Variants in POLK observed in about 807,000 individuals in gnomAD.
POLK encodes the protein polymerase (DNA directed) kappa.
POLK carries 76 observed loss-of-function variants against 94.0 expected under a neutral mutation model. The ratio of observed to expected loss-of-function variants is 0.81; its 90% CI spans 0.67 to 0.98. The LOEUF is 0.98. Ranked by LOEUF, POLK falls within the 50% of genes least tolerant of loss-of-function variation. The pLI, the probability that POLK is intolerant of heterozygous loss-of-function variation, is 0.00. For synonymous variants in POLK, 349 were observed against 325.4 expected, an observed-to-expected ratio of 1.07 and a Z score of -0.78; for missense variants, 954 against 1,010.1, an observed-to-expected ratio of 0.94 and a Z score of 0.75.
At chr5:75,511,130 G>C, upstream of POLK, 1 of 1,598,206 alleles carries the variant, frequency 6.3e-7, no homozygotes. Context: ...GGACCCCGCA[G>C]CGCTCCACAG....
intron 1 of POLK, 66 bp from the exon 2 acceptor site, chr5:75,546,944 G>A: frequency 1.3e-6 from 1 of 779,916 alleles, no homozygotes; most frequent in Non-Finnish European, 1.9e-6. Flanking sequence ...TAGGATTACG[G>A]GCATGAGCCA....
chr5:75,603,301 A>C (rs888223911), downstream of POLK, among the ~76,000 whole-genome samples: 2 of 152,030 alleles, frequency 1.3e-5, no homozygotes, highest in Admixed American at 1.3e-4. Context: ...TCTTTTGTCA[A>C]GCCCTTATCA....
In POLK at chr5:75,552,463, C is replaced by G. The variant is rs201162116; in HGVS notation, c.136-9C>G. On this transcript the variant is annotated splice_polypyrimidine_tract_variant and intron_variant, in intron 2 of 14. Transcript: ENST00000241436. ...TTTTTCTTATGCTTTGTTTTGTTTT[C>G]CTCCATAGGGGTCCAGATTTTATGG... 32 of 1,606,584 alleles carry G rather than the reference C, an allele frequency of 2.0e-5. No homozygotes were observed. In the Admixed American group the frequency reaches 5.5e-4, roughly 28 times the overall value.
intron 3 of POLK, among the ~76,000 whole-genome samples, chr5:75,557,058 G>A (rs532278982): frequency 7.9e-5 from 12 of 152,098 alleles, no homozygotes; most frequent in South Asian, 2.1e-4. Context: ...ATGAGACTCT[G>A]TCTCAAGAAA....
downstream of POLK, among the ~76,000 whole-genome samples, chr5:75,602,311 C>T (rs538757473): frequency 4.6e-5 from 7 of 152,290 alleles, no homozygotes; most frequent in South Asian, 1.4e-3. Flanking sequence ...AGACATTCGC[C>T]ATGATTCATA....
At chr5:75,592,211 G>A (rs1039099653) in intron 11 of POLK, among the ~76,000 whole-genome samples, 4 of 152,148 alleles carry the variant, frequency 2.6e-5, no homozygotes, top group African/African-American at 9.7e-5. Context: ...AGTGTAAAGG[G>A]AATTCTTACA....
Position 75,511,872 on chromosome 5 carries a change from G to T in POLK, c.-56G>T. 6.6e-7 allele frequency: 1 copy of T among 1,514,408 alleles called. No individual in the cohort carries two copies. The allele number at this position is 1,514,408 out of a possible 1,614,324, so 93.8% of individuals were successfully genotyped here. ...TGGGAAGGGCGTTGGTCCGTCGCTCGCGCAGCCTCCTGGGAGTTGTAGTCG... is the reference window on the plus strand; with the variant it reads ...TGGGAAGGGCGTTGGTCCGTCGCTCTCGCAGCCTCCTGGGAGTTGTAGTCG... On this transcript the variant is annotated 5_prime_UTR_variant, in exon 1 of 15. Transcript: ENST00000241436.
chr5:75,593,817 T>C (rs5744704), intron 11 of POLK, 61 bp from the exon 12 acceptor site: 135,184 of 1,036,672 alleles, frequency 0.13, 9,699 homozygotes, highest in East Asian at 0.24. Flanking sequence ...CACTCCAGCA[T>C]GGACAACAGA....
intron 6 of POLK, among the ~76,000 whole-genome samples, chr5:75,578,277 T>G (rs994427727): frequency 2.0e-5 from 3 of 152,182 alleles, no homozygotes; most frequent in Admixed American, 2.0e-4. Context: ...TGCCTTAGAC[T>G]CCCAAGTATC....
chr5:75,608,564 A>G, the POLK span, among the ~76,000 whole-genome samples: 1 of 152,242 alleles, frequency 6.6e-6, no homozygotes, highest in Non-Finnish European at 1.5e-5. Context: ...CACTAAACAA[A>G]TAGACATTTC....
At chr5:75,535,192 C>T (rs1250329758) in intron 1 of POLK, among the ~76,000 whole-genome samples, 12 of 152,050 alleles carry the variant, frequency 7.9e-5, no homozygotes, top group African/African-American at 2.9e-4. Context: ...TGAAAAGGAT[C>T]TTATTTCTCC....
chr5:75,587,113 A>G, intron 10 of POLK, 55 bp downstream of exon 10: 1 of 994,098 alleles, frequency 1.0e-6, no homozygotes, highest in Admixed American at 2.4e-5. Context: ...TTTTAAACTA[A>G]TATTGAATTA....
At position 75,516,819 on chromosome 5, in the gene POLK, T is replaced by G. The variant is rs138922946; in HGVS notation, c.-14+4905T>G. Reference sequence around the variant, plus strand: ...ATTTTTGTATCAAAAATCAAAGAGATAAGGAAGAAATATCTGAGAGATAGT... The same window carrying G: ...ATTTTTGTATCAAAAATCAAAGAGAGAAGGAAGAAATATCTGAGAGATAGT... On this transcript the variant is annotated intron_variant, in intron 1 of 14. Coordinates refer to ENST00000241436, the Ensembl canonical transcript of POLK. Among the ~76,000 whole-genome samples, 891 of 152,332 alleles carry G rather than the reference T, an allele frequency of 5.8e-3. 5 individuals are homozygous for G. The highest frequency in any genetic ancestry group is 7.7e-3 in the Admixed American group (118 of 15,300).
upstream of POLK, chr5:75,511,074 G>A: frequency 1.3e-6 from 2 of 1,502,000 alleles, no homozygotes; most frequent in South Asian, 2.7e-5. Context: ...CTGCAGGTGA[G>A]TCTGGCCAGG....
At chr5:75,565,984 T>C (rs1398414607) in intron 3 of POLK, among the ~76,000 whole-genome samples, 3 of 152,232 alleles carry the variant, frequency 2.0e-5, no homozygotes, top group Non-Finnish European at 4.4e-5. Context: ...TTTCCCCTGG[T>C]GCTCTGTCCT....
chr5:75,562,828 G>A (rs1771059245), intron 3 of POLK, among the ~76,000 whole-genome samples: 1 of 152,172 alleles, frequency 6.6e-6, no homozygotes, highest in Non-Finnish European at 1.5e-5. Context: ...AATTGCATAT[G>A]TTGAACCAGC....
At chr5:75,563,609 T>C (rs7445415) in intron 3 of POLK, among the ~76,000 whole-genome samples, 33,847 of 152,072 alleles carry the variant, frequency 0.22, 3,910 homozygotes, top group South Asian at 0.39. Flanking sequence ...TTTGTTCTCT[T>C]ATTGATTTCA....
At chr5:75,561,268 T>A (rs1477632722) in intron 3 of POLK, among the ~76,000 whole-genome samples, 3 of 152,182 alleles carry the variant, frequency 2.0e-5, no homozygotes, top group Non-Finnish European at 2.9e-5. Context: ...TGACCATTGA[T>A]GATGTGCTTT....
intron 4 of POLK, among the ~76,000 whole-genome samples, chr5:75,572,718 G>T (rs1036397759): frequency 3.3e-5 from 5 of 151,964 alleles, no homozygotes; most frequent in African/African-American, 1.2e-4. Context: ...AATGGGAGAG[G>T]GTCATGGTAT....
Sources: gnomAD v4.1 joint callset for allele counts (sites outside exome capture counted in the v4.1 genomes callset) on GRCh38, gnomAD v4.1.1 for gene constraint, MANE v1.5 for transcripts, NCBI Gene and HGNC (gene_info 2026-07-23, HGNC 2026-07-21) for gene names.